RYR3: variants seen among roughly 807,000 people sequenced by gnomAD.
RYR3 encodes the protein brain ryanodine receptor-calcium release channel.
In RYR3, 207 loss-of-function variants were observed where a neutral mutation model predicts 584.3. The ratio of observed to expected loss-of-function variants is 0.35; its 90% CI spans 0.32 to 0.40. The LOEUF is 0.40. RYR3 is among the 10% of genes least tolerant of loss of function. RYR3 has a pLI of 1.00. For missense variants in RYR3, 5,616 were observed against 6,089.2 expected (o/e 0.92, Z 2.59); for synonymous variants, 2,416 against 2,248.5 (o/e 1.07, Z -2.11).
At chr15:33,334,561 C>A (rs1970735241) in intron 1 of RYR3, among the ~76,000 whole-genome samples, 1 of 152,054 alleles carries the variant, frequency 6.6e-6, no homozygotes, top group Non-Finnish European at 1.5e-5. Flanking sequence ...AAATGTAAAA[C>A]CCAAAAACTA....
At chr15:33,809,709 C>A (rs2076413696) in intron 70 of RYR3, among the ~76,000 whole-genome samples, 1 of 151,130 alleles carries the variant, frequency 6.6e-6, no homozygotes, top group Non-Finnish European at 1.5e-5. Context: ...GATCTCGGCT[C>A]GCTGCAACCT....
At chr15:33,335,441 T>G (rs1451971945) in intron 1 of RYR3, among the ~76,000 whole-genome samples, 1 of 152,246 alleles carries the variant, frequency 6.6e-6, no homozygotes, top group East Asian at 1.9e-4. Context: ...GAAAATCAAA[T>G]ACTGCATGTT....
intron 10 of RYR3, among the ~76,000 whole-genome samples, chr15:33,558,961 A>C (rs1258015881): frequency 6.6e-6 from 1 of 152,150 alleles, no homozygotes; most frequent in African/African-American, 2.4e-5. Flanking sequence ...TGGGCTGGCT[A>C]GGCAGGATAA....
At chr15:33,483,252 T>C (rs954307332) in intron 2 of RYR3, among the ~76,000 whole-genome samples, 1 of 152,178 alleles carries the variant, frequency 6.6e-6, no homozygotes, top group African/African-American at 2.4e-5. Flanking sequence ...TTATAATCAT[T>C]ATTTAAATCC....
intron 8 of RYR3, among the ~76,000 whole-genome samples, chr15:33,546,634 C>T (rs544059273): frequency 1.3e-5 from 2 of 152,098 alleles, no homozygotes; most frequent in African/African-American, 4.8e-5. Flanking sequence ...TTAAAAAGTC[C>T]TTTAAATTTT....
chr15:33,860,959 T>C, intron 101 of RYR3, 119 bp from the exon 102 acceptor site: 5 of 786,704 alleles, frequency 6.4e-6, no homozygotes, highest in Non-Finnish European at 8.3e-6. Context: ...GAATGACTAA[T>C]AGCCAAAAGC....
rs915894414 is a variant in RYR3 at position 33,726,375 on chromosome 15, C to T, written c.6913-11C>T. 4.3e-6 allele frequency: 7 copies of T among 1,612,690 alleles called. No individual in the cohort carries two copies. The Admixed American group carries it at 8.4e-5, about 19-fold the overall frequency. ...CACTTATCTAATGTCATTCTCAACC[C>T]TATCTTCCAGCTCATCCAGACAGGA... On this transcript the variant is annotated splice_polypyrimidine_tract_variant and intron_variant, in intron 45 of 103. Transcript: ENST00000634891.
Position 33,500,973 on chromosome 15 carries a change from T to C in RYR3, c.172-2658T>C, listed in dbSNP as rs1465851060. The stretch of plus-strand genomic sequence containing the variant: ...CTCCCTTACCACTGCCCACACATTG[T>C]TTTGGGTGCTGTTGGAGTGGCATGC... On this transcript the variant is annotated intron_variant, in intron 2 of 103. Coordinates refer to ENST00000634891, the MANE Select transcript of RYR3 (RefSeq NM_001036.6). Among the ~76,000 whole-genome samples, 4 of 152,276 alleles carry C rather than the reference T, an allele frequency of 2.6e-5. No individual in the cohort carries two copies. In the East Asian group the frequency reaches 7.7e-4, roughly 29 times the overall value.
intron 1 of RYR3, among the ~76,000 whole-genome samples, chr15:33,399,375 G>A (rs2676076): frequency 0.014 from 2,098 of 152,140 alleles, 53 homozygotes; most frequent in African/African-American, 0.048. Context: ...GCAGTGGCTC[G>A]TGCCTGTACA....
chr15:33,836,794 G>A (rs1307612663), intron 87 of RYR3, 112 bp from the exon 88 acceptor site: 9 of 715,468 alleles, frequency 1.3e-5, no homozygotes, highest in African/African-American at 1.8e-5. Flanking sequence ...GCTCTTTCCC[G>A]ACACTGATGC....
intron 1 of RYR3, among the ~76,000 whole-genome samples, chr15:33,336,445 AGAGAGAG>A (rs1971011837): frequency 2.1e-4 from 2 of 9,694 alleles, no homozygotes; most frequent in African/African-American, 8.5e-4. Context: ...AAAGAAAGAG[AGAGAGAG>A]AGAGAGAGAG....
chr15:33,585,859 C>T (rs1289348951), intron 15 of RYR3, 139 bp from the exon 16 acceptor site: 8 of 593,922 alleles, frequency 1.3e-5, no homozygotes, highest in Admixed American at 6.1e-5. Flanking sequence ...TTTTTTCTGG[C>T]TGGAAAGATT....
intron 53 of RYR3, among the ~76,000 whole-genome samples, chr15:33,746,469 C>T (rs1415895509): frequency 2.6e-5 from 4 of 152,074 alleles, no homozygotes; most frequent in Non-Finnish European, 4.4e-5. Context: ...TTGGTTAGGG[C>T]GGGGCAGGGA....
intron 16 of RYR3, among the ~76,000 whole-genome samples, chr15:33,599,572 T>G (rs111909582): frequency 2.0e-5 from 3 of 152,168 alleles, no homozygotes; most frequent in Non-Finnish European, 4.4e-5. Flanking sequence ...GAGTTTCTGA[T>G]TAGCCTTTCC....
At chr15:33,789,624 T>TTATATATATATATATATATATATATA (rs1567174689) in intron 67 of RYR3, among the ~76,000 whole-genome samples, 2 of 11,694 alleles carry the variant, frequency 1.7e-4, no homozygotes, top group African/African-American at 2.2e-4. Context: ...AGGTTTTATT[T>TTATATATATATATATATATATATATA]TATATATATA....
chr15:33,666,537 A>G (rs1438981202), intron 36 of RYR3, among the ~76,000 whole-genome samples: 1 of 152,236 alleles, frequency 6.6e-6, no homozygotes, highest in Non-Finnish European at 1.5e-5. Context: ...ATCAAAGGAT[A>G]TGGTGGATTT....
rs956686610 is a variant in RYR3, at chr15:33,799,103, C to T, written c.9831-1667C>T. Reference sequence around the variant, plus strand: ...TTTAACTTGTGTCACTGTGATATTTCGATATAATAAATATGTATTTGCTCT... The same window carrying T: ...TTTAACTTGTGTCACTGTGATATTTTGATATAATAAATATGTATTTGCTCT... On this transcript the variant is annotated intron_variant, in intron 67 of 103. Coordinates refer to ENST00000634891, the MANE Select transcript of RYR3 (RefSeq NM_001036.6). Among the ~76,000 whole-genome samples the T allele has an allele frequency of 2.6e-5, 4 of 152,186 alleles. No individual in the cohort carries two copies. In the East Asian group the frequency reaches 5.8e-4, roughly 22 times the overall value.
Position 33,505,311 on chromosome 15 carries a change from ATTTATAGCAGTATGC to A in RYR3, c.279+1578_279+1592del, listed in dbSNP as rs569598314. On this transcript the variant is annotated intron_variant, in intron 3 of 103. Coordinates refer to ENST00000634891, the MANE Select transcript of RYR3 (RefSeq NM_001036.6). The stretch of plus-strand genomic sequence containing the variant: ...ATATTTGTGTTTTTTCACTCTTTTG[ATTTATAGCAGTATGC>A]TTTAGTAAGACAACTGAGAATAGTT... Among the ~76,000 whole-genome samples, 47 of 152,284 alleles carry A rather than the reference ATTTATAGCAGTATGC, an allele frequency of 3.1e-4. No homozygotes were observed. The East Asian group carries it at 8.5e-3, about 28-fold the overall frequency.
chr15:33,567,179 C>G (rs1267454297), intron 12 of RYR3, among the ~76,000 whole-genome samples: 1 of 152,176 alleles, frequency 6.6e-6, no homozygotes, highest in East Asian at 1.9e-4. Context: ...TTTCTACAAT[C>G]ATTCAGAATT....
Sources: allele counts gnomAD v4.1 joint callset (sites outside exome capture counted in the v4.1 genomes callset), GRCh38; gene constraint gnomAD v4.1.1; transcripts MANE v1.5; gene names NCBI Gene and HGNC (gene_info 2026-07-23, HGNC 2026-07-21).